The following SEMA3D variants were observed in gnomAD, a reference collection of about 807,000 sequenced individuals.
SEMA3D encodes semaphorin 3D.
Under a neutral mutation model 100.1 loss-of-function variants are expected in SEMA3D, and 84 were observed. That is an observed-to-expected ratio of 0.84 (90% CI 0.70 to 1.01). The LOEUF (loss-of-function observed/expected upper bound fraction) is 1.01. SEMA3D is among the 50% of genes least tolerant of loss of function. SEMA3D has a pLI of 0.00. For synonymous variants in SEMA3D, 312 were observed against 320.7 expected (o/e 0.97, Z 0.29); for missense variants, 875 against 934.1 (o/e 0.94, Z 0.82).
At chr7:85,194,426 G>C in the SEMA3D span, among the ~76,000 whole-genome samples, 1 of 151,970 alleles carries the variant, frequency 6.6e-6, no homozygotes, top group Non-Finnish European at 1.5e-5. Context: ...GTTGGATTTC[G>C]TCTAATCCAT....
intron 4 of SEMA3D, among the ~76,000 whole-genome samples, chr7:85,093,839 TACTG>T (rs1216104052): frequency 6.6e-6 from 1 of 151,976 alleles, no homozygotes; most frequent in Non-Finnish European, 1.5e-5. Context: ...GATGAAGGCA[TACTG>T]ACACAAATGA....
chr7:85,081,726 T>C, intron 4 of SEMA3D, 147 bp from the exon 5 acceptor site: 1 of 612,908 alleles, frequency 1.6e-6, no homozygotes, highest in African/African-American at 1.8e-5. Flanking sequence ...GAGATTTAAA[T>C]ATTTCCCAAA....
chr7:85,197,550 T>C, the SEMA3D span, among the ~76,000 whole-genome samples: 183 of 151,496 alleles, frequency 1.2e-3, 1 homozygote, highest in African/African-American at 4.3e-3. Flanking sequence ...TGATGTCTCA[T>C]GTGTCCCTAA....
chr7:84,999,590 G>C lies in SEMA3D; in HGVS notation c.2184C>G (p.Asp728Glu). The part of the protein sequence containing the change: ...QILSSPNFSL[D>E]QYCEQMWHRE... ...TGTGCCACATCTGTTCGCAGTACTG[G>C]TCGAGGCTGAAGTTTGGGCTGCTAA... Residue 728 changes from aspartate to glutamate, a missense_variant, in exon 19 of 19, where the codon GAC (aspartate) becomes GAG (glutamate). By Grantham distance (45) the Asp-to-Glu change is conservative (BLOSUM62 2). Coordinates refer to ENST00000284136, the MANE Select transcript of SEMA3D (RefSeq NM_001384900.1). 1 of 1,614,082 alleles carries C rather than the reference G, an allele frequency of 6.2e-7. No individual in the cohort carries two copies. The highest frequency in any genetic ancestry group is 8.5e-7 in the Non-Finnish European group (1 of 1,180,020).
intron 17 of SEMA3D, among the ~76,000 whole-genome samples, chr7:85,007,628 A>G (rs998504671): frequency 6.6e-6 from 1 of 151,830 alleles, no homozygotes; most frequent in African/African-American, 2.4e-5. Flanking sequence ...TCATAAATCA[A>G]TGCACCATCT....
At chr7:85,022,710 T>C (rs1790290154) in intron 12 of SEMA3D, 97 bp from the exon 13 acceptor site, 2 of 762,380 alleles carry the variant, frequency 2.6e-6, no homozygotes, top group South Asian at 3.1e-5. Flanking sequence ...TCATCAATAA[T>C]ATTAAATGAA....
intron 2 of SEMA3D, chr7:85,151,734 C>A (rs2116492475): frequency 1.1e-6 from 1 of 938,422 alleles, no homozygotes; most frequent in African/African-American, 1.8e-5. Context: ...GTAATATTTT[C>A]TGTTTAGTTC....
At chr7:85,250,007 GC>G in the SEMA3D span, among the ~76,000 whole-genome samples, 6 of 151,674 alleles carry the variant, frequency 4.0e-5, no homozygotes, top group Non-Finnish European at 8.8e-5. Flanking sequence ...GTCAGCGGGT[GC>G]ACGCACCGTG....
At chr7:85,138,849 C>T (rs967649293) in intron 2 of SEMA3D, among the ~76,000 whole-genome samples, 1 of 150,896 alleles carries the variant, frequency 6.6e-6, no homozygotes, top group Non-Finnish European at 1.5e-5. Context: ...GTGTGATATT[C>T]CCCCCTGTCC....
intron 2 of SEMA3D, among the ~76,000 whole-genome samples, chr7:85,133,011 G>A (rs1039088328): frequency 6.6e-6 from 1 of 151,744 alleles, no homozygotes; most frequent in African/African-American, 2.4e-5. Context: ...AATGAGTTGG[G>A]GTATTGTCTT....
the SEMA3D span, among the ~76,000 whole-genome samples, chr7:85,226,525 A>T: frequency 1.3e-5 from 2 of 152,124 alleles, no homozygotes; most frequent in African/African-American, 4.8e-5. Context: ...TTTTACTTTG[A>T]TTTTTGTGGT....
chr7:85,105,798 T>C (rs1250226993), intron 3 of SEMA3D, among the ~76,000 whole-genome samples: 1 of 152,066 alleles, frequency 6.6e-6, no homozygotes, highest in African/African-American at 2.4e-5. Flanking sequence ...AAACAGATGA[T>C]ATCACATAGG....
the SEMA3D span, among the ~76,000 whole-genome samples, chr7:85,243,063 T>G: frequency 6.6e-6 from 1 of 152,150 alleles, no homozygotes; most frequent in African/African-American, 2.4e-5. Context: ...CCAGTTCTGC[T>G]TCAGTCCCCC....
chr7:85,077,859 A>G (rs907924696), intron 5 of SEMA3D, among the ~76,000 whole-genome samples: 1 of 152,164 alleles, frequency 6.6e-6, no homozygotes, highest in Admixed American at 6.5e-5. Flanking sequence ...CTCAATAATC[A>G]AAGATATTCA....
intron 1 of SEMA3D, among the ~76,000 whole-genome samples, chr7:85,176,850 T>C (rs1475939710): frequency 6.6e-6 from 1 of 151,996 alleles, no homozygotes; most frequent in Non-Finnish European, 1.5e-5. Context: ...TACAATCATG[T>C]GATGTGTACA....
intron 4 of SEMA3D, among the ~76,000 whole-genome samples, chr7:85,088,462 A>C (rs1788287167): frequency 6.6e-6 from 1 of 152,168 alleles, no homozygotes; most frequent in African/African-American, 2.4e-5. Flanking sequence ...ACAAAAATTC[A>C]GAACCCTTGA....
chr7:85,149,684 A>T (rs972704974), intron 2 of SEMA3D, among the ~76,000 whole-genome samples: 2 of 152,158 alleles, frequency 1.3e-5, no homozygotes, highest in African/African-American at 4.8e-5. Context: ...GTAGACTTAC[A>T]GTGCTTCCAT....
intron 1 of SEMA3D, among the ~76,000 whole-genome samples, chr7:85,165,533 T>C (rs893106042): frequency 6.6e-6 from 1 of 152,204 alleles, no homozygotes; most frequent in East Asian, 1.9e-4. Context: ...TCACTTGTAG[T>C]AGGGAGTGAA....
At position 85,186,711 on chromosome 7, in the gene SEMA3D, C is replaced by T. The variant is rs1389015112; in HGVS notation, c.-206G>A. 6.6e-6 allele frequency: 1 copy of T among 152,374 alleles called. No homozygotes were observed. The highest frequency in any genetic ancestry group is 6.5e-5 in the Admixed American group (1 of 15,284). 9.4% of individuals were successfully genotyped at this position (152,374 alleles called of 1,614,324 possible). On this transcript the variant is annotated 5_prime_UTR_variant, in exon 1 of 19. Transcript: ENST00000284136. ...AACTCTTCTCTCCCTCTCTCTTTTC[C>T]TGGTGCCTTTTCAGGGAGAGGGGAA...
Sources: gnomAD v4.1 joint callset for allele counts (sites outside exome capture counted in the v4.1 genomes callset) on GRCh38, gnomAD v4.1.1 for gene constraint, MANE v1.5 for transcripts, NCBI Gene and HGNC (gene_info 2026-07-23, HGNC 2026-07-21) for gene names.